The following PLXNA4 variants were observed in gnomAD, a reference collection of about 807,000 sequenced individuals.
The protein encoded by PLXNA4 is plexin-A4.
A neutral mutation model predicts 191.8 loss-of-function variants in PLXNA4; 44 were observed. That is an observed-to-expected ratio of 0.23 (90% confidence interval 0.18 to 0.29). PLXNA4 has a LOEUF of 0.29. PLXNA4 is among the 10% of genes least tolerant of loss of function. PLXNA4 has a pLI of 1.00. For synonymous variants in PLXNA4, 1,082 were observed against 1,009.5 expected, an observed-to-expected ratio of 1.07 and a Z score of -1.36; for missense variants, 1,800 against 2,488.8, an observed-to-expected ratio of 0.72 and a Z score of 5.89.
chr7:132,209,889 C>G (rs568224763), intron 10 of PLXNA4, among the ~76,000 whole-genome samples: 1 of 152,200 alleles, frequency 6.6e-6, no homozygotes, highest in Non-Finnish European at 1.5e-5. Flanking sequence ...TGACCTTGAG[C>G]AAGTCACTTA....
chr7:132,273,571 G>A (rs1800158504), intron 4 of PLXNA4, among the ~76,000 whole-genome samples: 1 of 152,148 alleles, frequency 6.6e-6, no homozygotes, highest in African/African-American at 2.4e-5. Context: ...TATGCTGCAT[G>A]GTAATTCCGC....
intron 25 of PLXNA4, among the ~76,000 whole-genome samples, chr7:132,148,929 G>A (rs1490177142): frequency 6.6e-6 from 1 of 152,172 alleles, no homozygotes; most frequent in African/African-American, 2.4e-5. Flanking sequence ...TCTGTAAAAA[G>A]TAGGTGCTCA....
chr7:132,429,948 C>A (rs1563094000), intron 3 of PLXNA4, among the ~76,000 whole-genome samples: 3 of 152,166 alleles, frequency 2.0e-5, no homozygotes, highest in African/African-American at 2.4e-5. Context: ...GCAGAGTGGG[C>A]AGCTGGATGA....
At chr7:132,235,033 G>A (rs1798650747) in intron 5 of PLXNA4, among the ~76,000 whole-genome samples, 1 of 152,228 alleles carries the variant, frequency 6.6e-6, no homozygotes, top group Admixed American at 6.5e-5. Context: ...CAGCTTGTGT[G>A]TCATTAAGTG....
At chr7:132,233,521 A>C (rs1237127623) in intron 5 of PLXNA4, among the ~76,000 whole-genome samples, 1 of 152,228 alleles carries the variant, frequency 6.6e-6, no homozygotes, top group Non-Finnish European at 1.5e-5. Flanking sequence ...CCAAGGTTCT[A>C]CTGTAATTTT....
chr7:132,388,885 G>T (rs1805275492), intron 3 of PLXNA4, among the ~76,000 whole-genome samples: 1 of 152,154 alleles, frequency 6.6e-6, no homozygotes, highest in African/African-American at 2.4e-5. Context: ...CTTCTTTCTG[G>T]CAAGTCCCAT....
At chr7:132,455,120 C>A (rs1191466969) in intron 3 of PLXNA4, among the ~76,000 whole-genome samples, 1 of 152,214 alleles carries the variant, frequency 6.6e-6, no homozygotes, top group African/African-American at 2.4e-5. Flanking sequence ...CCTGCAGCCT[C>A]GCCTGGACGC....
Position 132,559,568 on chromosome 7 carries a change from C to A in PLXNA4, c.-87+16854G>T, listed in dbSNP as rs548965459. Reference sequence around the variant, plus strand: ...CTCTCCCCATCCCCAAGTCTCACTACCTTCCGCAGCAGCACAGAGGGTTGA... The same window carrying A: ...CTCTCCCCATCCCCAAGTCTCACTAACTTCCGCAGCAGCACAGAGGGTTGA... On this transcript the variant is annotated intron_variant, in intron 1 of 31. Transcript: ENST00000321063. Among the ~76,000 whole-genome samples the A allele has an allele frequency of 2.6e-5, 4 of 152,332 alleles. No homozygotes were observed. The South Asian group carries it at 8.3e-4, about 32-fold the overall frequency.
intron 3 of PLXNA4, chr7:132,384,370 A>C (rs1049387910): frequency 2.0e-6 from 2 of 985,524 alleles, no homozygotes; most frequent in Non-Finnish European, 2.4e-6. Context: ...AAATGATAGG[A>C]GCACATGACA....
At chr7:132,535,019 G>A (rs1461102337) in intron 1 of PLXNA4, among the ~76,000 whole-genome samples, 1 of 152,094 alleles carries the variant, frequency 6.6e-6, no homozygotes, top group East Asian at 1.9e-4. Context: ...AGGAGAATAT[G>A]GATAGAAAAT....
rs116090662 is a variant in PLXNA4, at chr7:132,600,176, C to G, written c.-87+45752G>C. 3.9e-3 allele frequency among the ~76,000 whole-genome samples: 599 copies of G among 152,238 alleles called. 9 individuals are homozygous for G. Among genetic ancestry groups the G allele is most frequent in the African/African-American group, 0.014 (564 of 41,564 alleles). On this transcript the variant is annotated intron_variant, in intron 2 of 4. Coordinates refer to the PLXNA4 transcript ENST00000378539. ...ACCTCATTTTGAAATAAAAACTATACTAACTTCAACTTTTATTCCTTCTCT... is the reference window on the plus strand; with the variant it reads ...ACCTCATTTTGAAATAAAAACTATAGTAACTTCAACTTTTATTCCTTCTCT...
At chr7:132,436,007 C>T (rs1327212164) in intron 3 of PLXNA4, among the ~76,000 whole-genome samples, 2 of 152,226 alleles carry the variant, frequency 1.3e-5, no homozygotes, top group Non-Finnish European at 2.9e-5. Context: ...CCCCCGAACC[C>T]TGCTCCTCAC....
intron 30 of PLXNA4, 57 bp downstream of exon 30, chr7:132,140,542 A>C: frequency 6.3e-7 from 1 of 1,591,620 alleles, no homozygotes; most frequent in South Asian, 1.1e-5. Context: ...CCTTTTGTTG[A>C]GGGAGCTGCT....
At chr7:132,591,389 G>T (rs1311503027) in intron 2 of PLXNA4, among the ~76,000 whole-genome samples, 5 of 152,134 alleles carry the variant, frequency 3.3e-5, no homozygotes, top group Admixed American at 3.3e-4. Flanking sequence ...TCTCAAGCAG[G>T]CTGTGAAGAG....
At chr7:132,186,572 G>A (rs1192702643) in intron 15 of PLXNA4, among the ~76,000 whole-genome samples, 3 of 152,176 alleles carry the variant, frequency 2.0e-5, no homozygotes, top group Admixed American at 2.0e-4. Flanking sequence ...TTAGGCAGGA[G>A]GAGTACTTCC....
rs1414792493 is a variant in PLXNA4, at chr7:132,259,482, G to GA, written c.1504-18317dup. 9.9e-5 allele frequency among the ~76,000 whole-genome samples: 11 copies of GA among 111,410 alleles called. 2 individuals carry two copies. The highest frequency in any genetic ancestry group is 1.1e-4 in the Non-Finnish European group (6 of 56,132). 73.1% of individuals were successfully genotyped at this position (111,410 alleles called of 152,430 possible). On this transcript the variant is annotated intron_variant, in intron 4 of 31. Transcript: ENST00000321063. ...AAAAAAAAAAAAAAAAAGAAAAAAG[G>GA]AAAAAAGAAAAGCAAAAGAAAACCA...
rs557348616 is a variant in PLXNA4, at chr7:132,130,579, G to A, written c.5590-5C>T. The A allele has an allele frequency of 2.4e-5, 39 of 1,614,072 alleles. 1 individual carries two copies. Among genetic ancestry groups the A allele is most frequent in the Middle Eastern group, 3.3e-4 (2 of 6,060 alleles). On this transcript the variant is annotated splice_polypyrimidine_tract_variant and splice_region_variant and intron_variant, in intron 31 of 31. Coordinates refer to ENST00000321063, the MANE Select transcript of PLXNA4 (RefSeq NM_020911.2). ...GTGGTCCAGAGGTCCAAGGATCTGCGGAAGGGCCAAGAACAGGGAGATTAC... is the reference window on the plus strand; with the variant it reads ...GTGGTCCAGAGGTCCAAGGATCTGCAGAAGGGCCAAGAACAGGGAGATTAC...
chr7:132,628,474 C>T (rs1803427233), intron 2 of PLXNA4, among the ~76,000 whole-genome samples: 1 of 151,854 alleles, frequency 6.6e-6, no homozygotes, highest in Non-Finnish European at 1.5e-5. Flanking sequence ...TTATGCTGAA[C>T]ATTCAACAGA....
At chr7:132,218,085 C>T (rs774756836) in intron 9 of PLXNA4, among the ~76,000 whole-genome samples, 2 of 151,950 alleles carry the variant, frequency 1.3e-5, no homozygotes, top group African/African-American at 2.4e-5. Flanking sequence ...TGGTCTGCTC[C>T]TGTCTCAGGG....
Sources: allele counts gnomAD v4.1 joint callset (sites outside exome capture counted in the v4.1 genomes callset), GRCh38; gene constraint gnomAD v4.1.1; transcripts MANE v1.5; gene names NCBI Gene and HGNC (gene_info 2026-07-23, HGNC 2026-07-21).